CSMD1: variants seen among roughly 807,000 people sequenced by gnomAD.
CSMD1 encodes the protein CUB and Sushi multiple domains 1, also known as CUB and sushi domain-containing protein 1.
A neutral mutation model predicts 417.5 loss-of-function variants in CSMD1; 213 were observed. The observed-to-expected ratio is 0.51, with a 90% CI of 0.46 to 0.57. The LOEUF is 0.57. CSMD1 is among the 20% of genes least tolerant of loss of function. The pLI, the probability that CSMD1 is intolerant of heterozygous loss-of-function variation, is 0.00. For missense variants in CSMD1, 6,923 were observed against 4,529.7 expected (o/e 1.53, Z -15.17); for synonymous variants, 2,862 against 1,736.8 (o/e 1.65, Z -16.11).
chr8:4,763,103 C>G (rs937029701), intron 1 of CSMD1, among the ~76,000 whole-genome samples: 1 of 152,074 alleles, frequency 6.6e-6, no homozygotes, highest in African/African-American at 2.4e-5. Context: ...GAAAAGATAC[C>G]AAACTCAGCA....
intron 3 of CSMD1, among the ~76,000 whole-genome samples, chr8:4,039,616 A>C (rs1797785521): frequency 6.6e-6 from 1 of 152,152 alleles, no homozygotes. Flanking sequence ...CAGGATGAGG[A>C]ATGACAGTGA....
At chr8:3,671,509 ATATG>A (rs1304581032) in intron 7 of CSMD1, among the ~76,000 whole-genome samples, 1,608 of 7,406 alleles carry the variant, frequency 0.22, 239 homozygotes, top group Non-Finnish European at 0.3. Context: ...ATATATATAT[ATATG>A]ATCATATATA....
At chr8:4,233,388 A>T (rs958203129) in intron 3 of CSMD1, among the ~76,000 whole-genome samples, 3 of 152,188 alleles carry the variant, frequency 2.0e-5, no homozygotes, top group Non-Finnish European at 4.4e-5. Flanking sequence ...CTATGTTCTG[A>T]AAGTGTTTTC....
At chr8:4,411,001 G>A (rs138056421) in intron 3 of CSMD1, among the ~76,000 whole-genome samples, 1 of 152,248 alleles carries the variant, frequency 6.6e-6, no homozygotes, top group Non-Finnish European at 1.5e-5. Context: ...TTGCCCCTGT[G>A]TCTTACCTCT....
chr8:4,759,566 G>A (rs955734666), intron 1 of CSMD1, among the ~76,000 whole-genome samples: 5 of 143,568 alleles, frequency 3.5e-5, no homozygotes, highest in African/African-American at 1.4e-4. Flanking sequence ...CCCTTTCCCC[G>A]AACCATCCCC....
intron 5 of CSMD1, among the ~76,000 whole-genome samples, chr8:3,969,462 G>T (rs544094468): frequency 2.6e-4 from 40 of 152,246 alleles, no homozygotes; most frequent in Middle Eastern, 6.8e-3. Context: ...TGTTGTTTAA[G>T]ATCCTGGTCT....
intron 5 of CSMD1, among the ~76,000 whole-genome samples, chr8:3,856,735 G>A (rs1480807434): frequency 6.6e-6 from 1 of 152,096 alleles, no homozygotes; most frequent in Non-Finnish European, 1.5e-5. Context: ...ATCTTTCAAA[G>A]CCTGTGTTTC....
intron 3 of CSMD1, among the ~76,000 whole-genome samples, chr8:4,246,970 C>G (rs1585091531): frequency 6.6e-6 from 1 of 152,186 alleles, no homozygotes; most frequent in Admixed American, 6.5e-5. Context: ...ACACTTTAGA[C>G]GAAGTAGAAA....
intron 1 of CSMD1, among the ~76,000 whole-genome samples, chr8:4,808,232 C>T (rs563730274): frequency 1.3e-5 from 2 of 152,162 alleles, no homozygotes; most frequent in East Asian, 1.9e-4. Context: ...TATAGGGTTG[C>T]TGCATTAGGA....
At chr8:3,468,932 G>C (rs1413285818) in intron 11 of CSMD1, 108 bp from the exon 12 acceptor site, 3 of 644,270 alleles carry the variant, frequency 4.7e-6, no homozygotes, top group Non-Finnish European at 5.4e-6. Flanking sequence ...TAGATATATA[G>C]GTAGCAAGAC....
intron 6 of CSMD1, among the ~76,000 whole-genome samples, chr8:3,721,457 C>G (rs931979856): frequency 1.3e-5 from 2 of 152,138 alleles, no homozygotes; most frequent in Non-Finnish European, 2.9e-5. Flanking sequence ...ACATATGGGA[C>G]TGAGTCCATT....
intron 6 of CSMD1, among the ~76,000 whole-genome samples, chr8:3,728,321 G>A (rs1280426691): frequency 1.3e-5 from 2 of 152,024 alleles, no homozygotes; most frequent in African/African-American, 4.8e-5. Flanking sequence ...ATGACTGTGA[G>A]GCCTCCCAGC....
At chr8:4,239,887 G>A (rs551735933) in intron 3 of CSMD1, among the ~76,000 whole-genome samples, 1 of 152,150 alleles carries the variant, frequency 6.6e-6, no homozygotes, top group Non-Finnish European at 1.5e-5. Context: ...ATCCTTTGCA[G>A]CATTAGCAAT....
chr8:4,189,199 A>T (rs1246566057), intron 3 of CSMD1, among the ~76,000 whole-genome samples: 2 of 152,260 alleles, frequency 1.3e-5, no homozygotes, highest in South Asian at 4.1e-4. Context: ...CCAGCTATGC[A>T]AACTCATGTG....
chr8:3,642,215 T>C (rs1280828313), intron 7 of CSMD1, among the ~76,000 whole-genome samples: 3 of 151,540 alleles, frequency 2.0e-5, no homozygotes, highest in Admixed American at 6.6e-5. Flanking sequence ...TATATAAAAA[T>C]ATGTATTAAA....
chr8:4,114,315 G>C (rs80218101), intron 3 of CSMD1, among the ~76,000 whole-genome samples: 1,600 of 152,232 alleles, frequency 0.011, 17 homozygotes, highest in African/African-American at 0.035. Context: ...ATAAAGTCTG[G>C]ATGAGACCAC....
intron 7 of CSMD1, among the ~76,000 whole-genome samples, chr8:3,617,295 T>A (rs1802189586): frequency 6.6e-6 from 1 of 152,234 alleles, no homozygotes; most frequent in Non-Finnish European, 1.5e-5. Context: ...AATGGTTTCT[T>A]TGTTCAAATG....
At chr8:3,190,902 G>A (rs1402886952) in intron 33 of CSMD1, among the ~76,000 whole-genome samples, 1 of 152,202 alleles carries the variant, frequency 6.6e-6, no homozygotes, top group African/African-American at 2.4e-5. Context: ...CTTCTATGGG[G>A]AGATCTAAAG....
At chr8:4,243,873 T>C (rs1004414234) in intron 3 of CSMD1, among the ~76,000 whole-genome samples, 2 of 152,180 alleles carry the variant, frequency 1.3e-5, no homozygotes, top group African/African-American at 2.4e-5. Context: ...CCTTGATTTG[T>C]GGTTCCTGTT....
Sources: gnomAD v4.1 joint callset for allele counts (sites outside exome capture counted in the v4.1 genomes callset) on GRCh38, gnomAD v4.1.1 for gene constraint, MANE v1.5 for transcripts, NCBI Gene and HGNC (gene_info 2026-07-23, HGNC 2026-07-21) for gene names.